Variants in NSG1 observed in about 807,000 individuals in gnomAD.
NSG1 encodes the protein neuronal vesicle trafficking associated 1.
Under a neutral mutation model 19.3 loss-of-function variants are expected in NSG1, and 9 were observed. The observed-to-expected ratio is 0.47, with a 90% CI of 0.28 to 0.81. NSG1 has a LOEUF of 0.81. Among genes scored for constraint, NSG1 ranks in the 40% least tolerant of loss-of-function variants. NSG1 has a pLI of 0.11. For synonymous variants in NSG1, 104 were observed against 107.0 expected (o/e 0.97, Z 0.17); for missense variants, 236 against 242.4 (o/e 0.97, Z 0.18).
chr4:4,390,038 A>G (rs1189990350), intron 2 of NSG1, among the ~76,000 whole-genome samples: 1 of 152,222 alleles, frequency 6.6e-6, no homozygotes, highest in Admixed American at 6.5e-5. Flanking sequence ...CCAGGTCGAC[A>G]GAATATTGAT....
At chr4:4,387,949 G>C (rs894984687) in intron 2 of NSG1, among the ~76,000 whole-genome samples, 191 bp downstream of exon 2, 1 of 152,148 alleles carries the variant, frequency 6.6e-6, no homozygotes, top group Non-Finnish European at 1.5e-5. Flanking sequence ...GGCGGGGGAG[G>C]GGAGCCCTGC....
rs1723110918 is a variant in NSG1 at position 4,393,771 on chromosome 4, A to G, written c.246+2180A>G. Among the ~76,000 whole-genome samples, 5 of 152,096 alleles carry G rather than the reference A, an allele frequency of 3.3e-5. No individual in the cohort carries two copies. The South Asian group carries it at 1.0e-3, about 32-fold the overall frequency. On this transcript the variant is annotated intron_variant, in intron 3 of 4. Transcript: ENST00000621129. The stretch of plus-strand genomic sequence containing the variant: ...GCTCCCTCTGTGACTCTCTAGCTTC[A>G]AAGCCAAGGCCTTCCCAACATACCT...
At chr4:4,415,868 G>T in intron 4 of NSG1, 1 of 535,452 alleles carries the variant, frequency 1.9e-6, no homozygotes, top group Non-Finnish European at 3.3e-6. Flanking sequence ...GTGGCGGTGA[G>T]GCTGGAGGGG....
chr4:4,409,112 G>T (rs1488932708), intron 3 of NSG1, among the ~76,000 whole-genome samples: 1 of 152,246 alleles, frequency 6.6e-6, no homozygotes, highest in Admixed American at 6.5e-5. Context: ...AAGCAGGCTG[G>T]TGTCCATGCG....
At chr4:4,416,118 C>T in intron 4 of NSG1, 1 of 702,418 alleles carries the variant, frequency 1.4e-6, no homozygotes, top group Non-Finnish European at 2.6e-6. Flanking sequence ...GAGTCCTCAG[C>T]AACACGGTGG....
At chr4:4,417,191 C>T in intron 4 of NSG1, 44 bp from the exon 5 acceptor site, 1 of 1,559,004 alleles carries the variant, frequency 6.4e-7, no homozygotes, top group African/African-American at 1.4e-5. Context: ...ACTGGCACCC[C>T]CTCTTGCACC....
intron 4 of NSG1, among the ~76,000 whole-genome samples, chr4:4,410,636 CA>C (rs1724125971): frequency 6.6e-6 from 1 of 152,140 alleles, no homozygotes; most frequent in Non-Finnish European, 1.5e-5. Flanking sequence ...ACGCATGGTC[CA>C]CCTGAATAGG....
At chr4:4,399,868 A>G (rs1048888869) in intron 3 of NSG1, among the ~76,000 whole-genome samples, 2 of 152,218 alleles carry the variant, frequency 1.3e-5, no homozygotes, top group Admixed American at 6.5e-5. Context: ...ACAGTTCACA[A>G]TAGGGTTCAT....
At chr4:4,415,072 CT>C (rs201752401) in intron 4 of NSG1, among the ~76,000 whole-genome samples, 2 of 151,984 alleles carry the variant, frequency 1.3e-5, no homozygotes, top group Non-Finnish European at 2.9e-5. Context: ...ATTGGCCATT[CT>C]TTTTTTTCAT....
intron 4 of NSG1, chr4:4,416,019 T>A (rs935839383): frequency 1.4e-6 from 1 of 693,660 alleles, no homozygotes; most frequent in Non-Finnish European, 2.6e-6. Context: ...GGGCTGTACT[T>A]CAGTGGTGTC....
intron 3 of NSG1, among the ~76,000 whole-genome samples, chr4:4,399,957 C>T (rs958144050): frequency 1.3e-5 from 2 of 152,250 alleles, no homozygotes; most frequent in Non-Finnish European, 2.9e-5. Context: ...ACCTGCCACT[C>T]ATCTCCTGCT....
intron 4 of NSG1, among the ~76,000 whole-genome samples, chr4:4,414,289 G>T (rs1724395766): frequency 6.6e-6 from 1 of 151,820 alleles, no homozygotes; most frequent in Admixed American, 6.6e-5. Flanking sequence ...ACAATGGAAG[G>T]GGCCTGGCAC....
intron 3 of NSG1, among the ~76,000 whole-genome samples, chr4:4,408,020 C>T (rs1243376235): frequency 2.6e-5 from 4 of 152,122 alleles, no homozygotes; most frequent in Non-Finnish European, 4.4e-5. Context: ...CACTTTCTCA[C>T]GTACATCTCC....
At chr4:4,404,821 C>T (rs1203716751) in intron 3 of NSG1, among the ~76,000 whole-genome samples, 2 of 152,146 alleles carry the variant, frequency 1.3e-5, no homozygotes, top group East Asian at 1.9e-4. Flanking sequence ...CCTGCATTCA[C>T]GATTGGTGTC....
At chr4:4,396,998 G>C (rs1483174774) in intron 3 of NSG1, among the ~76,000 whole-genome samples, 1 of 151,754 alleles carries the variant, frequency 6.6e-6, no homozygotes, top group South Asian at 2.1e-4. Context: ...GCTGTAGTGT[G>C]GGGGCTTCGG....
Position 4,402,378 on chromosome 4 carries a change from T to TAA in NSG1, c.247-7195_247-7194insAA, listed in dbSNP as rs1239545308. Among the ~76,000 whole-genome samples the TAA allele has an allele frequency of 4.1e-4, 6 of 14,792 alleles. 1 individual carries two copies. The highest frequency in any genetic ancestry group is 3.3e-3 in the Admixed American group (4 of 1,220). 9.7% of individuals were successfully genotyped at this position (14,792 alleles called of 152,430 possible). Reference sequence around the variant, plus strand: ...GCAGCACCACGCCTGGTTATTTTTTTTTTTTTTTTTTTTTTTTTTTTTTTT... The same window carrying TAA: ...GCAGCACCACGCCTGGTTATTTTTTTAATTTTTTTTTTTTTTTTTTTTTTTTT... On this transcript the variant is annotated intron_variant, in intron 3 of 4. Coordinates refer to ENST00000621129, the MANE Select transcript of NSG1 (RefSeq NM_014392.5).
At chr4:4,388,912 G>T (rs1487878478) in intron 2 of NSG1, among the ~76,000 whole-genome samples, 1 of 152,238 alleles carries the variant, frequency 6.6e-6, no homozygotes, top group Non-Finnish European at 1.5e-5. Flanking sequence ...CCAGGCCACG[G>T]TGGTGCCACT....
chr4:4,387,260 G>A, intron 1 of NSG1, 87 bp downstream of exon 1: 1 of 204,032 alleles, frequency 4.9e-6, no homozygotes, highest in South Asian at 1.1e-4. Context: ...ATCTCCCGGA[G>A]TACGCGGGAC....
intron 3 of NSG1, among the ~76,000 whole-genome samples, chr4:4,396,312 C>A (rs1304594743): frequency 6.6e-6 from 1 of 152,146 alleles, no homozygotes; most frequent in Admixed American, 6.5e-5. Flanking sequence ...AAGGCTCCCT[C>A]AGGGCCCGCT....
Sources: allele counts gnomAD v4.1 joint callset (sites outside exome capture counted in the v4.1 genomes callset), GRCh38; gene constraint gnomAD v4.1.1; transcripts MANE v1.5; gene names NCBI Gene and HGNC (gene_info 2026-07-23, HGNC 2026-07-21).